SAMD12: variants seen among roughly 807,000 people sequenced by gnomAD.
SAMD12 encodes the protein sterile alpha motif domain containing 12, also known as sterile alpha motif domain-containing protein 12.
A neutral mutation model predicts 15.0 loss-of-function variants in SAMD12; 9 were observed. The ratio of observed to expected loss-of-function variants is 0.60; its 90% confidence interval spans 0.36 to 1.05. The LOEUF is 1.05. Among genes scored for constraint, SAMD12 ranks in the 50% least tolerant of loss-of-function variants. The pLI is 0.01. For synonymous variants in SAMD12, 86 were observed against 90.1 expected (o/e 0.96, Z 0.25); for missense variants, 230 against 234.2 (o/e 0.98, Z 0.12).
chr8:118,272,564 T>C (rs1361957929), intron 4 of SAMD12, among the ~76,000 whole-genome samples: 1 of 152,238 alleles, frequency 6.6e-6, no homozygotes, highest in Non-Finnish European at 1.5e-5. Flanking sequence ...TTTTCTTTTC[T>C]GTTGCATCGT....
intron 2 of SAMD12, among the ~76,000 whole-genome samples, chr8:118,454,251 T>C (rs1190754344): frequency 6.6e-6 from 1 of 152,236 alleles, no homozygotes; most frequent in Non-Finnish European, 1.5e-5. Context: ...AAACAATCCC[T>C]CACAATTTTG....
chr8:118,277,276 T>C (rs370829255), intron 4 of SAMD12, among the ~76,000 whole-genome samples: 2 of 152,216 alleles, frequency 1.3e-5, no homozygotes. Context: ...GGTCACAAAA[T>C]GCTAGTGCCA....
chr8:118,357,373 G>T (rs1818282829), intron 4 of SAMD12, among the ~76,000 whole-genome samples: 1 of 152,134 alleles, frequency 6.6e-6, no homozygotes, highest in Non-Finnish European at 1.5e-5. Context: ...GAGTAGCTGG[G>T]ATTACAGGTA....
chr8:118,226,441 A>T (rs1002689783), intron 4 of SAMD12, among the ~76,000 whole-genome samples: 5 of 152,208 alleles, frequency 3.3e-5, no homozygotes, highest in African/African-American at 1.2e-4. Flanking sequence ...TATCTTTATC[A>T]GAAAGTCAAG....
At chr8:118,568,313 G>A (rs1459747231) in intron 2 of SAMD12, among the ~76,000 whole-genome samples, 1 of 152,160 alleles carries the variant, frequency 6.6e-6, no homozygotes, top group Non-Finnish European at 1.5e-5. Flanking sequence ...AAGGTACCTG[G>A]TTTGAACTAG....
chr8:118,300,680 T>A (rs955712695), intron 4 of SAMD12, among the ~76,000 whole-genome samples: 1 of 152,196 alleles, frequency 6.6e-6, no homozygotes, highest in South Asian at 2.1e-4. Context: ...CAATCAGTGT[T>A]CCAACAAGCC....
chr8:118,208,614 A>T (rs1270157003), intron 4 of SAMD12, among the ~76,000 whole-genome samples: 1 of 152,242 alleles, frequency 6.6e-6, no homozygotes, highest in Non-Finnish European at 1.5e-5. Context: ...ATCTGGTCTA[A>T]CATGGCAGCC....
intron 2 of SAMD12, among the ~76,000 whole-genome samples, chr8:118,535,261 C>T (rs1242547831): frequency 3.3e-5 from 5 of 152,208 alleles, no homozygotes; most frequent in African/African-American, 1.2e-4. Context: ...TGCAGAACTG[C>T]AAATACTGCA....
chr8:118,249,288 T>G (rs1345723814), intron 4 of SAMD12, among the ~76,000 whole-genome samples: 2 of 152,176 alleles, frequency 1.3e-5, no homozygotes, highest in African/African-American at 4.8e-5. Context: ...CTCATTGTGA[T>G]CCTTATATTA....
At chr8:118,342,264 AG>A (rs1817410229) in intron 4 of SAMD12, among the ~76,000 whole-genome samples, 1 of 148,730 alleles carries the variant, frequency 6.7e-6, no homozygotes, top group Non-Finnish European at 1.5e-5. Flanking sequence ...ACTGCACACC[AG>A]CCTGGGCGAC....
At chr8:118,263,523 A>C (rs1380272031) in intron 4 of SAMD12, among the ~76,000 whole-genome samples, 6 of 152,114 alleles carry the variant, frequency 3.9e-5, no homozygotes, top group Non-Finnish European at 8.8e-5. Flanking sequence ...TCTATTAGTG[A>C]GTCAATATCT....
the SAMD12 span, among the ~76,000 whole-genome samples, chr8:118,174,534 T>C: frequency 0.043 from 6,471 of 152,198 alleles, 435 homozygotes; most frequent in African/African-American, 0.15. Context: ...TGGGAAAAAG[T>C]GGTTCATTTT....
chr8:118,268,434 G>C lies in SAMD12; in HGVS notation c.434-70702C>G, dbSNP rs1813260087. Among the ~76,000 whole-genome samples the C allele has an allele frequency of 3.3e-5, 5 of 152,144 alleles. No homozygotes were observed. The South Asian group carries it at 8.3e-4, about 25-fold the overall frequency. On this transcript the variant is annotated intron_variant, in intron 4 of 4. Transcript: ENST00000409003. ...TTTTCTGGGAAGCAATGATAATCTT[G>C]TTCTTTAATTTGTTTGGTTTTTAAA... is the stretch of plus-strand genomic sequence containing the variant.
At chr8:118,371,371 A>G (rs1819089052) in intron 4 of SAMD12, among the ~76,000 whole-genome samples, 1 of 152,130 alleles carries the variant, frequency 6.6e-6, no homozygotes, top group Admixed American at 6.6e-5. Context: ...CTAGAATGTT[A>G]TTCAAATGGC....
intron 1 of SAMD12, among the ~76,000 whole-genome samples, chr8:118,611,817 A>C (rs1015696589): frequency 3.9e-5 from 6 of 152,164 alleles, no homozygotes; most frequent in Non-Finnish European, 2.9e-5. Flanking sequence ...GGTCCCAGAG[A>C]CCAGTGGTAA....
At chr8:118,427,664 A>G (rs1822271588) in intron 3 of SAMD12, among the ~76,000 whole-genome samples, 1 of 152,222 alleles carries the variant, frequency 6.6e-6, no homozygotes, top group Non-Finnish European at 1.5e-5. Flanking sequence ...TTTGGTGTGA[A>G]CATACAATTT....
intron 3 of SAMD12, among the ~76,000 whole-genome samples, chr8:118,427,033 G>T (rs547907904): frequency 4.6e-5 from 7 of 152,192 alleles, no homozygotes; most frequent in Non-Finnish European, 1.0e-4. Context: ...TTGTTCCTTT[G>T]TCAGCAGTCA....
chr8:118,326,949 C>G (rs1391330851), intron 4 of SAMD12, among the ~76,000 whole-genome samples: 1 of 152,138 alleles, frequency 6.6e-6, no homozygotes, highest in African/African-American at 2.4e-5. Flanking sequence ...AGCAAGTCAA[C>G]AATGAAAGCA....
chr8:118,510,853 T>C (rs1326093755), intron 2 of SAMD12, among the ~76,000 whole-genome samples: 1 of 152,188 alleles, frequency 6.6e-6, no homozygotes, highest in Non-Finnish European at 1.5e-5. Flanking sequence ...CTCACAATAT[T>C]AAGTAGCGAG....
Sources: gnomAD v4.1 joint callset for allele counts (sites outside exome capture counted in the v4.1 genomes callset) on GRCh38, gnomAD v4.1.1 for gene constraint, MANE v1.5 for transcripts, NCBI Gene and HGNC (gene_info 2026-07-23, HGNC 2026-07-21) for gene names.